The following CSF1R variants were observed in gnomAD, a reference collection of about 807,000 sequenced individuals.
CSF1R encodes colony stimulating factor 1 receptor.
A neutral mutation model predicts 110.0 loss-of-function variants in CSF1R; 40 were observed. That is an observed-to-expected ratio of 0.36 (90% CI 0.28 to 0.47). The LOEUF (loss-of-function observed/expected upper bound fraction) is 0.47. CSF1R is among the 20% of genes least tolerant of loss of function. The pLI is 0.99. For missense variants in CSF1R, 1,052 were observed against 1,253.0 expected (o/e 0.84, Z 2.42); for synonymous variants, 523 against 503.4 (o/e 1.04, Z -0.52).
intron 1 of CSF1R, among the ~76,000 whole-genome samples, chr5:150,091,790 G>A (rs1759047737): frequency 7.5e-6 from 1 of 132,912 alleles, no homozygotes; most frequent in African/African-American, 2.8e-5. Context: ...AAAGAGAAGG[G>A]ATAAAGATTA....
chr5:150,087,552 G>A (rs1264528833), upstream of CSF1R, among the ~76,000 whole-genome samples: 1 of 152,146 alleles, frequency 6.6e-6, no homozygotes, highest in African/African-American at 2.4e-5. Context: ...ACTATCTTTT[G>A]TGCGTTACTT....
In CSF1R at chr5:150,069,858, A is replaced by G; in HGVS notation, c.1510+15T>C. 16 of 1,589,886 alleles carry G rather than the reference A, an allele frequency of 1.0e-5. No individual in the cohort carries two copies. The highest frequency in any genetic ancestry group is 1.4e-5 in the Non-Finnish European group (16 of 1,165,142). On this transcript the variant is annotated intron_variant, in intron 9 of 20. Transcript: ENST00000675795. The stretch of plus-strand genomic sequence containing the variant: ...CGGGCGGGGGGGCGGTGCGGGTGCG[A>G]AGGCTCCCTCTCACCTGCAGAGATG...
intron 3 of CSF1R, 65 bp downstream of exon 3, chr5:150,079,987 A>T (rs551392037): frequency 1.9e-6 from 3 of 1,564,394 alleles, no homozygotes; most frequent in Non-Finnish European, 2.6e-6. Flanking sequence ...GTCACCACCC[A>T]TGTGGCCGCC....
At position 150,072,124 on chromosome 5, in the gene CSF1R, G is replaced by A. The variant is rs116661337; in HGVS notation, c.1082+1177C>T. 9.2e-3 allele frequency among the ~76,000 whole-genome samples: 1,403 copies of A among 152,342 alleles called. 25 individuals are homozygous for A. The highest frequency in any genetic ancestry group is 0.032 in the African/African-American group (1,321 of 41,584). On this transcript the variant is annotated intron_variant, in intron 6 of 20. Transcript: ENST00000675795. ...AACAGAGTTGCAGAAACAAGAATGA[G>A]AGTGAGTGTGGCATGCACACCACGT...
Position 150,080,875 on chromosome 5 carries a change from T to A in CSF1R, c.199A>T (p.Ser67Cys). 1 of 1,614,188 alleles carries A rather than the reference T, an allele frequency of 6.2e-7. No homozygotes were observed. The highest frequency in any genetic ancestry group is 8.5e-7 in the Non-Finnish European group (1 of 1,180,028). The change falls in exon 2 of 21, where the codon AGC becomes TGC. Residue 67 changes from serine to cysteine, a missense_variant. Physicochemically the swap from Ser to Cys is moderately radical, Grantham distance 112. Transcript: ENST00000675795. ...HWTLYSDGSS[S>C]ILSTNNATFQ... ...GTAGCGTTGTTGGTGCTGAGGATGC[T>A]GCTGGAGCCATCAGAGTACAGGGTC... is the stretch of plus-strand genomic sequence containing the variant.
Position 150,055,958 on chromosome 5 carries a change from T to C in CSF1R, c.2554+68A>G. ...GCTGTGTCCTGGGCACCAAACAGCT[T>C]TGTCCACCAGTGGGGCAACCAGAGG... On this transcript the variant is annotated intron_variant, in intron 18 of 20. Coordinates refer to ENST00000675795, the MANE Select transcript of CSF1R (RefSeq NM_001288705.3). 2.1e-6 allele frequency: 3 copies of C among 1,430,868 alleles called. No homozygotes were observed. In the South Asian group the frequency reaches 3.7e-5, roughly 18 times the overall value. 88.6% of individuals were successfully genotyped at this position (1,430,868 alleles called of 1,614,324 possible).
intron 10 of CSF1R, among the ~76,000 whole-genome samples, chr5:150,065,288 G>A (rs1231713954): frequency 6.6e-6 from 1 of 151,960 alleles, no homozygotes; most frequent in Non-Finnish European, 1.5e-5. Flanking sequence ...AATCTTTGGG[G>A]ACCCTCCTGT....
chr5:150,055,904 T>TG (rs2086479835), intron 18 of CSF1R, 122 bp downstream of exon 18: 1 of 836,004 alleles, frequency 1.2e-6, no homozygotes. Context: ...CGAGAGCCCT[T>TG]GCCCATTCCT....
intron 1 of CSF1R, among the ~76,000 whole-genome samples, chr5:150,108,174 C>T (rs1162840009): frequency 1.3e-5 from 2 of 152,170 alleles, no homozygotes; most frequent in Non-Finnish European, 2.9e-5. Flanking sequence ...GCTAAGAATG[C>T]TGAACAGATG....
Position 150,080,897 on chromosome 5 carries a change from G to C in CSF1R, c.177C>G (p.Thr59=). The change falls in exon 2 of 21, where the codon ACC becomes ACG. Residue 59 remains threonine, a synonymous_variant. Coordinates refer to ENST00000675795, the MANE Select transcript of CSF1R (RefSeq NM_001288705.3). ...EWDGPPSPHW[T]LYSDGSSSIL... is the part of the protein sequence containing the mutation. ...TGCTGCTGGAGCCATCAGAGTACAG[G>C]GTCCAGTGAGGTGATGGGGGGCCAT... 1 of 1,614,158 alleles carries C rather than the reference G, an allele frequency of 6.2e-7. No individual in the cohort carries two copies. Among genetic ancestry groups the C allele is most frequent in the Non-Finnish European group, 8.5e-7 (1 of 1,180,022 alleles).
At chr5:150,080,025 G>A in intron 3 of CSF1R, 27 bp downstream of exon 3, 1 of 1,602,338 alleles carries the variant, frequency 6.2e-7, no homozygotes, top group Non-Finnish European at 8.5e-7. Context: ...CTTCAGGCCT[G>A]GCTGCCGGTC....
chr5:150,100,288 ACC>A (rs1308646413), intron 1 of CSF1R, among the ~76,000 whole-genome samples: 35 of 74,958 alleles, frequency 4.7e-4, no homozygotes, highest in South Asian at 8.3e-4. Flanking sequence ...TCATTGGCTA[ACC>A]TTTTTTTTTT....
At chr5:150,109,211 G>A (rs1227745768) in intron 1 of CSF1R, among the ~76,000 whole-genome samples, 3 of 152,156 alleles carry the variant, frequency 2.0e-5, no homozygotes, top group Admixed American at 2.0e-4. Context: ...TGGAAGGCAA[G>A]AGCCTCCCTG....
chr5:150,070,437 G>A lies in CSF1R; in HGVS notation c.1198+19C>T, dbSNP rs201460285. 124 of 1,550,206 alleles carry A rather than the reference G, an allele frequency of 8.0e-5. No individual in the cohort carries two copies. The East Asian group carries it at 2.0e-3, about 25-fold the overall frequency. ...TCCCAGGGCCTCCGCCCCAGGTGGC[G>A]CTCGGCCCCAGCACTCACATCGAAG... On this transcript the variant is annotated intron_variant, in intron 7 of 20. Transcript: ENST00000675795.
chr5:150,057,188 C>T, intron 16 of CSF1R, 99 bp downstream of exon 16: 2 of 989,610 alleles, frequency 2.0e-6, no homozygotes, highest in South Asian at 2.9e-5. Flanking sequence ...TCCCCTACCC[C>T]CTCACAGGCT....
rs1313273435 is a variant in CSF1R at position 150,064,506 on chromosome 5, GAGA to G, written c.1627-2660_1627-2658del. ...GAGAGAGTCTGAAACGGGACCCAGGGAGAAGAACTTCCCAAGCCTCTGAGGATC... is the reference window on the plus strand; with the variant it reads ...GAGAGAGTCTGAAACGGGACCCAGGGAGAACTTCCCAAGCCTCTGAGGATC... On this transcript the variant is annotated intron_variant, in intron 10 of 20. Transcript: ENST00000675795. Among the ~76,000 whole-genome samples, 4 of 152,158 alleles carry G rather than the reference GAGA, an allele frequency of 2.6e-5. No individual in the cohort carries two copies. The South Asian group carries it at 6.2e-4, about 24-fold the overall frequency.
intron 1 of CSF1R, among the ~76,000 whole-genome samples, chr5:150,097,513 G>C (rs1315132305): frequency 6.6e-6 from 1 of 152,142 alleles, no homozygotes; most frequent in Non-Finnish European, 1.5e-5. Flanking sequence ...GAGATGAAAT[G>C]ATTGTCTTCA....
upstream of CSF1R, chr5:150,086,687 C>T (rs774842503): frequency 2.7e-5 from 12 of 447,620 alleles, no homozygotes; most frequent in Non-Finnish European, 4.5e-5. Flanking sequence ...AGGGAGGGGT[C>T]GCAGTCTGGG....
At chr5:150,063,318 G>A (rs1439462613) in intron 10 of CSF1R, among the ~76,000 whole-genome samples, 1 of 152,004 alleles carries the variant, frequency 6.6e-6, no homozygotes, top group Non-Finnish European at 1.5e-5. Context: ...GGCAGTGAGA[G>A]ACCCTGAGAG....
Sources: allele counts gnomAD v4.1 joint callset (sites outside exome capture counted in the v4.1 genomes callset), GRCh38; gene constraint gnomAD v4.1.1; transcripts MANE v1.5; gene names NCBI Gene and HGNC (gene_info 2026-07-23, HGNC 2026-07-21).